The following GRIP2 variants were observed in gnomAD, a reference collection of about 807,000 sequenced individuals.
The protein encoded by GRIP2 is glutamate receptor interacting protein 2, also known as glutamate receptor-interacting protein 2.
GRIP2 carries 58 observed loss-of-function variants against 108.3 expected under a neutral mutation model. The ratio of observed to expected loss-of-function variants is 0.54; its 90% CI spans 0.43 to 0.67. The LOEUF is 0.67. GRIP2 is among the 30% of genes least tolerant of loss of function. GRIP2 has a pLI of 0.00. For missense variants in GRIP2, 1,278 were observed against 1,430.6 expected, an observed-to-expected ratio of 0.89 and a Z score of 1.72; for synonymous variants, 586 against 598.2, an observed-to-expected ratio of 0.98 and a Z score of 0.30.
At chr3:14,573,565 T>C in the GRIP2 span, 4 of 1,442,832 alleles carry the variant, frequency 2.8e-6, no homozygotes, top group Non-Finnish European at 3.9e-6. Context: ...TAGCCCCTCA[T>C]GAAGTCACAG....
At chr3:14,573,315 A>G in the GRIP2 span, 4 of 1,412,576 alleles carry the variant, frequency 2.8e-6, no homozygotes, top group Non-Finnish European at 4.0e-6. Flanking sequence ...GTTGCCAGTG[A>G]CACCACTCAG....
rs751330675 is a variant in GRIP2, at chr3:14,514,443, G to C, written c.1342C>G (p.Gln448Glu). ...LASSTVGPGGQIVHTETTEVV... is the reference protein window; with the variant it reads ...LASSTVGPGGEIVHTETTEVV... ...TCCGTGGTCTCCGTGTGCACAATCT[G>C]CCCGCCCGGCCCCACCGTGCTGGAG... is the stretch of plus-strand genomic sequence containing the variant. The change falls in exon 12 of 24, where the codon CAG (glutamine) becomes GAG (glutamate). Residue 448 changes from glutamine to glutamate, a missense_variant. By Grantham distance (29) the Gln-to-Glu change is conservative. Transcript: ENST00000621039. 6 of 1,577,232 alleles carry C rather than the reference G, an allele frequency of 3.8e-6. No homozygotes were observed. Among genetic ancestry groups the C allele is most frequent in the Non-Finnish European group, 5.2e-6 (6 of 1,163,148 alleles).
intron 1 of GRIP2, among the ~76,000 whole-genome samples, chr3:14,553,770 C>G (rs1403961182): frequency 6.6e-6 from 1 of 152,172 alleles, no homozygotes; most frequent in Non-Finnish European, 1.5e-5. Flanking sequence ...GAAGAAACAC[C>G]TTGCCTTCTC....
the GRIP2 span, among the ~76,000 whole-genome samples, chr3:14,578,560 T>C: frequency 6.6e-6 from 1 of 151,874 alleles, no homozygotes; most frequent in East Asian, 1.9e-4. Context: ...CTACTAAAAA[T>C]ACAAAAATTA....
the GRIP2 span, among the ~76,000 whole-genome samples, chr3:14,583,480 G>A: frequency 6.6e-6 from 1 of 152,318 alleles, no homozygotes; most frequent in Admixed American, 6.5e-5. Flanking sequence ...CAAGCTCCAA[G>A]GGGAGCAAAA....
intron 1 of GRIP2, among the ~76,000 whole-genome samples, chr3:14,553,805 T>G (rs1695190737): frequency 6.6e-6 from 1 of 152,062 alleles, no homozygotes; most frequent in Non-Finnish European, 1.5e-5. Flanking sequence ...TTCTTCTCCT[T>G]GAGGTTTCAT....
chr3:14,573,609 G>A, the GRIP2 span: 2 of 1,484,796 alleles, frequency 1.3e-6, no homozygotes, highest in South Asian at 2.3e-5. Flanking sequence ...CTCGCCGTTG[G>A]TGCCAATGCA....
chr3:14,520,287 G>C lies in GRIP2; in HGVS notation c.861-8C>G. ...GGGTGCAGGGCTCCGCTCCTGGCCA[G>C]GCAGGGGAGTGAAGGCGGAGGCTGG... On this transcript the variant is annotated splice_polypyrimidine_tract_variant and splice_region_variant and intron_variant, in intron 8 of 23. Transcript: ENST00000621039. 1.9e-6 allele frequency: 3 copies of C among 1,612,618 alleles called. No homozygotes were observed. The highest frequency in any genetic ancestry group is 2.5e-6 in the Non-Finnish European group (3 of 1,178,946).
chr3:14,549,898 C>T (rs766839688), intron 1 of GRIP2, among the ~76,000 whole-genome samples: 12 of 152,238 alleles, frequency 7.9e-5, no homozygotes, highest in Non-Finnish European at 1.6e-4. Flanking sequence ...ATTCTGTGTC[C>T]TCATGGTAGA....
Position 14,522,675 on chromosome 3 carries a change from C to T in GRIP2, c.566+325G>A, listed in dbSNP as rs774725595. 2 of 290,676 alleles carry T rather than the reference C, an allele frequency of 6.9e-6. No homozygotes were observed. Among genetic ancestry groups the T allele is most frequent in the African/African-American group, 2.2e-5 (1 of 44,752 alleles). The allele number at this position is 290,676 out of a possible 1,614,324, so 18.0% of individuals were successfully genotyped here. A position where few individuals can be genotyped will look rare whatever the true frequency, so the allele number is the denominator to read the frequency against. ...GGCCAATCAGCGTGCCCCCAAATCT[C>T]TCATAGCAACTCTTAGGGACCATTC... On this transcript the variant is annotated intron_variant, in intron 6 of 23. Transcript: ENST00000621039. This position sits in a 1 kb window ranked among gnomAD's most constrained non-coding sequence, Gnocchi z 4.3.
chr3:14,517,192 GA>G lies in GRIP2; in HGVS notation c.1177del (p.Ser393ProfsTer5). The G allele has an allele frequency of 1.3e-6, 2 of 1,597,556 alleles. No homozygotes were observed. The highest frequency in any genetic ancestry group is 1.1e-5 in the South Asian group (1 of 88,650). The part of the protein sequence containing the change: ...QSRSLSSTPF[S>X]SPTLNHAFSC... ...AAAGGCGTGGTTCAAGGTCGGCGAGGAAAAGGGAGTTGAAGACAAGGCTGGG... is the reference window on the plus strand; with the variant it reads ...AAAGGCGTGGTTCAAGGTCGGCGAGGAAAGGGAGTTGAAGACAAGGCTGGG... On this transcript the variant is annotated frameshift_variant, in exon 11 of 24. Transcript: ENST00000621039. LOFTEE classifies it high-confidence loss of function.
chr3:14,574,656 T>C, the GRIP2 span: 1 of 650,862 alleles, frequency 1.5e-6, no homozygotes, highest in Non-Finnish European at 2.9e-6. Context: ...ATCAGGGAAA[T>C]TCGTGTTTTC....
chr3:14,599,228 T>C, the GRIP2 span, among the ~76,000 whole-genome samples: 1 of 152,242 alleles, frequency 6.6e-6, no homozygotes, highest in Non-Finnish European at 1.5e-5. Flanking sequence ...GCTGCATCTA[T>C]GTTTCCCCCA....
the GRIP2 span, among the ~76,000 whole-genome samples, chr3:14,599,697 GTGTGTGTGTGTGTGTT>G: frequency 4.7e-5 from 7 of 149,936 alleles, no homozygotes; most frequent in Admixed American, 1.3e-4. Flanking sequence ...GTGTGTGTGT[GTGTGTGTGTGTGTGTT>G]TGTGTGTGTG....
At chr3:14,599,247 A>C in the GRIP2 span, among the ~76,000 whole-genome samples, 4 of 152,138 alleles carry the variant, frequency 2.6e-5, no homozygotes, top group Non-Finnish European at 5.9e-5. Context: ...CATCTCTCTA[A>C]TAAGGGTTGG....
chr3:14,574,229 G>C, the GRIP2 span: 1 of 871,334 alleles, frequency 1.1e-6, no homozygotes, highest in Middle Eastern at 2.2e-4. Context: ...CCATGTCCTC[G>C]ATCTGTCGCT....
At chr3:14,601,106 G>C in the GRIP2 span, among the ~76,000 whole-genome samples, 2 of 151,634 alleles carry the variant, frequency 1.3e-5, no homozygotes, top group Non-Finnish European at 2.9e-5. Context: ...ACACACACGA[G>C]GCAGGGGGTG....
At chr3:14,527,882 T>A (rs1228662463) in intron 1 of GRIP2, among the ~76,000 whole-genome samples, 3 of 151,946 alleles carry the variant, frequency 2.0e-5, no homozygotes, top group Non-Finnish European at 4.4e-5. Context: ...GGTGACAGAG[T>A]GAGACTCCAT....
chr3:14,543,124 C>T (rs1171457158), upstream of GRIP2, among the ~76,000 whole-genome samples: 1 of 152,206 alleles, frequency 6.6e-6, no homozygotes, highest in Non-Finnish European at 1.5e-5. Flanking sequence ...CGAAATCCCA[C>T]ATGACTAAGT....
Sources: gnomAD v4.1 joint callset for allele counts (sites outside exome capture counted in the v4.1 genomes callset) on GRCh38, gnomAD v4.1.1 for gene constraint, Gnocchi (gnomAD v3.1) non-coding constraint, MANE v1.5 for transcripts, NCBI Gene and HGNC (gene_info 2026-07-23, HGNC 2026-07-21) for gene names.